XPR1: variants seen among roughly 807,000 people sequenced by gnomAD.
XPR1 encodes the protein solute carrier family 53 member 1.
Under a neutral mutation model 87.5 loss-of-function variants are expected in XPR1, and 28 were observed. The observed-to-expected ratio is 0.32, with a 90% CI of 0.24 to 0.44. The LOEUF (loss-of-function observed/expected upper bound fraction) is 0.44. Ranked by LOEUF, XPR1 falls within the 20% of genes least tolerant of loss-of-function variation. The pLI, the probability that XPR1 is intolerant of heterozygous loss-of-function variation, is 1.00. For missense variants in XPR1, 559 were observed against 862.3 expected, an observed-to-expected ratio of 0.65 and a Z score of 4.41; for synonymous variants, 300 against 306.1, an observed-to-expected ratio of 0.98 and a Z score of 0.21.
intron 2 of XPR1, among the ~76,000 whole-genome samples, chr1:180,690,914 ATGTG>A (rs1386122459): frequency 1.3e-5 from 2 of 151,620 alleles, no homozygotes; most frequent in African/African-American, 4.8e-5. Flanking sequence ...TTGCTTCTCT[ATGTG>A]TGTGTGTGTT....
chr1:180,661,035 T>G (rs1436968442), intron 1 of XPR1, among the ~76,000 whole-genome samples: 1 of 152,192 alleles, frequency 6.6e-6, no homozygotes. Context: ...CTCCAGTGTT[T>G]CATGCATATA....
chr1:180,850,220 T>C (rs754972503), intron 11 of XPR1, among the ~76,000 whole-genome samples: 7 of 152,190 alleles, frequency 4.6e-5, no homozygotes, highest in Non-Finnish European at 7.4e-5. Context: ...TTTTGGACTG[T>C]TTTACTCTGA....
chr1:180,803,314 A>G, intron 3 of XPR1, 74 bp from the exon 4 acceptor site: 1 of 1,359,568 alleles, frequency 7.4e-7, no homozygotes, highest in Non-Finnish European at 1.0e-6. Flanking sequence ...GCAAATGGGA[A>G]TTATTAAAAA....
chr1:180,707,360 T>A (rs536065416), intron 2 of XPR1, among the ~76,000 whole-genome samples: 36 of 152,334 alleles, frequency 2.4e-4, no homozygotes, highest in Admixed American at 1.2e-3. Context: ...TCCGATAGGC[T>A]AGTGTGTGTT....
chr1:180,664,910 A>T (rs1217366916), intron 1 of XPR1, among the ~76,000 whole-genome samples: 1 of 152,226 alleles, frequency 6.6e-6, no homozygotes. Flanking sequence ...TTCCATGTGC[A>T]GTTCACAAGA....
intron 9 of XPR1, among the ~76,000 whole-genome samples, chr1:180,825,654 C>G (rs1053304896): frequency 5.9e-5 from 9 of 152,176 alleles, no homozygotes; most frequent in African/African-American, 2.2e-4. Context: ...AATTATTTTC[C>G]TGTTAAGTTG....
chr1:180,694,724 A>AGCC (rs2101961721), intron 2 of XPR1, among the ~76,000 whole-genome samples: 1 of 151,968 alleles, frequency 6.6e-6, no homozygotes, highest in East Asian at 1.9e-4. Flanking sequence ...TTTAACCATT[A>AGCC]TCAGTGAAGG....
At chr1:180,847,653 AACTC>A (rs1651729502) in intron 11 of XPR1, among the ~76,000 whole-genome samples, 1 of 152,170 alleles carries the variant, frequency 6.6e-6, no homozygotes, top group African/African-American at 2.4e-5. Flanking sequence ...AGCGTGAAAA[AACTC>A]ACATGCAAAA....
intron 9 of XPR1, among the ~76,000 whole-genome samples, chr1:180,829,651 C>T (rs1650983823): frequency 6.6e-6 from 1 of 152,160 alleles, no homozygotes; most frequent in Admixed American, 6.5e-5. Context: ...ATCATTAAGG[C>T]CTGTAAGCCG....
chr1:180,702,760 T>C (rs1440974153), intron 2 of XPR1, among the ~76,000 whole-genome samples: 8 of 152,112 alleles, frequency 5.3e-5, no homozygotes, highest in African/African-American at 1.9e-4. Flanking sequence ...TTGAATTGTT[T>C]TTCAGGCATT....
intron 11 of XPR1, among the ~76,000 whole-genome samples, chr1:180,855,104 A>G (rs900426707): frequency 7.2e-5 from 11 of 152,216 alleles, no homozygotes; most frequent in African/African-American, 2.7e-4. Flanking sequence ...TCTGTGAAAG[A>G]CATTACAATT....
chr1:180,757,869 T>TAAA lies in XPR1; in HGVS notation c.122-29859_122-29857dup, dbSNP rs35162664. Among the ~76,000 whole-genome samples the TAAA allele has an allele frequency of 1.4e-3, 55 of 40,066 alleles. 1 individual carries two copies. Among genetic ancestry groups the TAAA allele is most frequent in the African/African-American group, 2.4e-3 (23 of 9,774 alleles). 26.3% of individuals were successfully genotyped at this position (40,066 alleles called of 152,430 possible). On this transcript the variant is annotated intron_variant, in intron 2 of 14. Coordinates refer to ENST00000367590, the MANE Select transcript of XPR1 (RefSeq NM_004736.4). ...TGGTATAAAGATATTGTTGAAAATG[T>TAAA]AAAAAAAAAAAAAAAAAAAAAAAAA...
chr1:180,878,269 C>A, intron 13 of XPR1: 1 of 152,226 alleles, frequency 6.6e-6, no homozygotes, highest in East Asian at 1.9e-4. Flanking sequence ...ATGTTCTATC[C>A]CATTTAAAAC....
In XPR1 at chr1:180,737,989, A is replaced by G. The variant is rs573269589; in HGVS notation, c.122-49764A>G. Among the ~76,000 whole-genome samples, 39 of 152,194 alleles carry G rather than the reference A, an allele frequency of 2.6e-4. No homozygotes were observed. The South Asian group carries it at 4.6e-3, about 18-fold the overall frequency. Reference sequence around the variant, plus strand: ...GAGTGGGATTGCTGGGTTATTTGGTAAATACATAACTTTATTTTATTTATT... The same window carrying G: ...GAGTGGGATTGCTGGGTTATTTGGTGAATACATAACTTTATTTTATTTATT... On this transcript the variant is annotated intron_variant, in intron 2 of 14. Transcript: ENST00000367590.
At chr1:180,705,705 A>G (rs142199021) in intron 2 of XPR1, among the ~76,000 whole-genome samples, 313 of 152,324 alleles carry the variant, frequency 2.1e-3, no homozygotes, top group African/African-American at 6.9e-3. Context: ...TCGTCTTTCT[A>G]TAAGACTATA....
chr1:180,736,761 A>AGGGTTG (rs1396057134), intron 2 of XPR1, among the ~76,000 whole-genome samples: 1 of 152,266 alleles, frequency 6.6e-6, no homozygotes, highest in East Asian at 1.9e-4. Context: ...AACTGGGGTT[A>AGGGTTG]GGGTTGGGGT....
chr1:180,644,396 C>A (rs1179209932), intron 1 of XPR1, among the ~76,000 whole-genome samples: 2 of 146,480 alleles, frequency 1.4e-5, no homozygotes, highest in East Asian at 4.0e-4. Context: ...TCTCCCTCTT[C>A]TGATTTACTT....
At chr1:180,664,592 C>G (rs966606729) in intron 1 of XPR1, among the ~76,000 whole-genome samples, 12 of 152,162 alleles carry the variant, frequency 7.9e-5, no homozygotes, top group African/African-American at 2.4e-5. Flanking sequence ...AGCTTCAAGC[C>G]TTGCTGCCTG....
At chr1:180,755,724 T>C (rs1266160380) in intron 2 of XPR1, among the ~76,000 whole-genome samples, 1 of 152,262 alleles carries the variant, frequency 6.6e-6, no homozygotes, top group Non-Finnish European at 1.5e-5. Context: ...CCATTTTTAT[T>C]AGGTTCCTAT....
Sources: allele counts gnomAD v4.1 joint callset (sites outside exome capture counted in the v4.1 genomes callset), GRCh38; gene constraint gnomAD v4.1.1; transcripts MANE v1.5; gene names NCBI Gene and HGNC (gene_info 2026-07-23, HGNC 2026-07-21).